TESK2: variants seen among roughly 807,000 people sequenced by gnomAD.
TESK2 encodes the protein testis associated actin remodelling kinase 2, also known as dual specificity testis-specific protein kinase 2.
In TESK2, 39 loss-of-function variants were observed where a neutral mutation model predicts 57.1. The observed-to-expected ratio is 0.68, with a 90% CI of 0.53 to 0.89. TESK2 has a LOEUF of 0.89. TESK2 is among the 40% of genes least tolerant of loss of function. The pLI is 0.00. For missense variants in TESK2, 646 were observed against 732.1 expected, an observed-to-expected ratio of 0.88 and a Z score of 1.36; for synonymous variants, 249 against 267.9, an observed-to-expected ratio of 0.93 and a Z score of 0.69.
intron 3 of TESK2, among the ~76,000 whole-genome samples, chr1:45,417,003 G>A (rs1341391536): frequency 6.6e-6 from 1 of 151,504 alleles, no homozygotes; most frequent in Non-Finnish European, 1.5e-5. Context: ...AGCCAGGATG[G>A]TCTCGATCTC....
Position 45,381,301 on chromosome 1 carries a change from C to T in TESK2, c.393+4611G>A, listed in dbSNP as rs191841646. ...TCCAATTCTTCGCCTTCTACTGAATCTGTGCCTTTTGACACATAACTTTGC... is the reference window on the plus strand; with the variant it reads ...TCCAATTCTTCGCCTTCTACTGAATTTGTGCCTTTTGACACATAACTTTGC... On this transcript the variant is annotated intron_variant, in intron 4 of 10. Coordinates refer to ENST00000372086, the MANE Select transcript of TESK2 (RefSeq NM_007170.3). 6.6e-5 allele frequency among the ~76,000 whole-genome samples: 10 copies of T among 152,314 alleles called. No individual in the cohort carries two copies. In the East Asian group the frequency reaches 1.9e-3, roughly 29 times the overall value.
At chr1:45,442,168 TC>T (rs1651472479) in intron 2 of TESK2, among the ~76,000 whole-genome samples, 1 of 152,148 alleles carries the variant, frequency 6.6e-6, no homozygotes, top group Non-Finnish European at 1.5e-5. Flanking sequence ...ACTCCCAACC[TC>T]AGGTGATCCA....
chr1:45,389,113 C>A (rs574947660), intron 3 of TESK2, among the ~76,000 whole-genome samples: 1 of 152,224 alleles, frequency 6.6e-6, no homozygotes, highest in Non-Finnish European at 1.5e-5. Flanking sequence ...AGTCTGGTAG[C>A]TTTCTAAGAG....
chr1:45,353,397 C>G (rs7544178), intron 5 of TESK2, among the ~76,000 whole-genome samples: 1 of 152,054 alleles, frequency 6.6e-6, no homozygotes. Flanking sequence ...CCTTCAGGAA[C>G]AGTGCAGCTG....
At position 45,398,983 on chromosome 1, in the gene TESK2, GAAAAAAAAAAAA is replaced by G. The variant is rs372886401; in HGVS notation, c.345-13035_345-13024del. 2.5e-5 allele frequency: 6 copies of G among 236,678 alleles called. No homozygotes were observed. The East Asian group carries it at 4.9e-4, about 19-fold the overall frequency. 14.7% of individuals were successfully genotyped at this position (236,678 alleles called of 1,614,324 possible). On this transcript the variant is annotated intron_variant, in intron 3 of 10. Coordinates refer to ENST00000372086, the MANE Select transcript of TESK2 (RefSeq NM_007170.3). ...CCCAACCTCCATTGGACTAGGACCT[GAAAAAAAAAAAA>G]AAAAAAAAAAAACAAGCCTTTAAGC...
chr1:45,432,636 A>G (rs1651019566), intron 2 of TESK2, among the ~76,000 whole-genome samples: 1 of 148,332 alleles, frequency 6.7e-6, no homozygotes, highest in Non-Finnish European at 1.5e-5. Flanking sequence ...GCTTGCAGTG[A>G]GCCGAGATCA....
chr1:45,400,564 T>C (rs1455122393), intron 3 of TESK2, among the ~76,000 whole-genome samples: 1 of 152,234 alleles, frequency 6.6e-6, no homozygotes, highest in Non-Finnish European at 1.5e-5. Context: ...TTTTAGACTT[T>C]AACTCTTTGT....
chr1:45,346,915 A>C, intron 8 of TESK2, 64 bp downstream of exon 8: 1 of 1,574,582 alleles, frequency 6.4e-7, no homozygotes, highest in Non-Finnish European at 8.7e-7. Flanking sequence ...TCCCAGGGAC[A>C]GAACAGTTCC....
chr1:45,382,309 G>A (rs884962), intron 4 of TESK2, among the ~76,000 whole-genome samples: 41,147 of 151,930 alleles, frequency 0.27, 5,872 homozygotes, highest in Admixed American at 0.4. Flanking sequence ...TGCAAGTATG[G>A]CTCACTGCAG....
chr1:45,428,816 ATTTTTT>A (rs71052876), intron 2 of TESK2, among the ~76,000 whole-genome samples: 3 of 82,592 alleles, frequency 3.6e-5, no homozygotes, highest in Non-Finnish European at 6.3e-5. Flanking sequence ...TAAATTCCTG[ATTTTTT>A]TTTTTTTTTT....
rs114765855 is a variant in TESK2, at chr1:45,374,820, A to G, written c.393+11092T>C. 2.4e-3 allele frequency among the ~76,000 whole-genome samples: 362 copies of G among 152,296 alleles called. 4 individuals are homozygous for G. The highest frequency in any genetic ancestry group is 8.4e-3 in the African/African-American group (349 of 41,570). On this transcript the variant is annotated intron_variant, in intron 4 of 10. Transcript: ENST00000372086. The stretch of plus-strand genomic sequence containing the variant: ...GATCATCTCCCATTGTGTACCTCCT[A>G]TAGTCTTCCCATCTCCATTAATGGC...
In TESK2 at chr1:45,380,453, T is replaced by C. The variant is rs183843916; in HGVS notation, c.393+5459A>G. On this transcript the variant is annotated intron_variant, in intron 4 of 10. Transcript: ENST00000372086. Reference sequence around the variant, plus strand: ...TAACAATATTAAAAGGAAAAAGCGCTTTGAGATGACATACAATCTATCCAG... The same window carrying C: ...TAACAATATTAAAAGGAAAAAGCGCCTTGAGATGACATACAATCTATCCAG... 2.8e-4 allele frequency among the ~76,000 whole-genome samples: 43 copies of C among 152,298 alleles called. 1 individual carries two copies. In the Middle Eastern group the frequency reaches 0.034, roughly 120 times the overall value.
rs1300682183 is a variant in TESK2 at position 45,403,336 on chromosome 1, C to T, written c.345-17376G>A. On this transcript the variant is annotated intron_variant, in intron 3 of 10. Transcript: ENST00000372086. The stretch of plus-strand genomic sequence containing the variant: ...TCCCAGAAGAACTATGAATCTAAAC[C>T]CGTAAAAAGGCAGTAATATCCTCGG... 2.0e-5 allele frequency among the ~76,000 whole-genome samples: 3 copies of T among 151,872 alleles called. No homozygotes were observed. In the East Asian group the frequency reaches 5.8e-4, roughly 29 times the overall value.
chr1:45,413,282 A>G (rs1308262797), intron 3 of TESK2, among the ~76,000 whole-genome samples: 1 of 152,152 alleles, frequency 6.6e-6, no homozygotes, highest in East Asian at 1.9e-4. Context: ...CAAAATTTAC[A>G]CAAGTACTAC....
At chr1:45,401,279 C>A (rs1649586764) in intron 3 of TESK2, among the ~76,000 whole-genome samples, 1 of 151,864 alleles carries the variant, frequency 6.6e-6, no homozygotes, top group Non-Finnish European at 1.5e-5. Flanking sequence ...TGCCTGTAAT[C>A]CCAGCTACTC....
chr1:45,425,670 T>C (rs1650660912), intron 2 of TESK2, among the ~76,000 whole-genome samples: 1 of 151,610 alleles, frequency 6.6e-6, no homozygotes, highest in African/African-American at 2.4e-5. Context: ...AACAAAAAAG[T>C]TCTCTACAAT....
At chr1:45,435,623 CTT>C (rs548276799) in intron 2 of TESK2, among the ~76,000 whole-genome samples, 1,952 of 69,164 alleles carry the variant, frequency 0.028, 59 homozygotes, top group African/African-American at 0.081. Context: ...GCTCAGTATT[CTT>C]TTTTTTTTTT....
At chr1:45,400,929 C>T (rs1309580749) in intron 3 of TESK2, among the ~76,000 whole-genome samples, 1 of 145,596 alleles carries the variant, frequency 6.9e-6, no homozygotes, top group East Asian at 2.0e-4. Context: ...GGCTGAGGCA[C>T]AAGAATTGCT....
At chr1:45,454,092 CGGAAAACAGTCTGGTG>C (rs1651977998) in intron 2 of TESK2, among the ~76,000 whole-genome samples, 1 of 152,042 alleles carries the variant, frequency 6.6e-6, no homozygotes, top group Non-Finnish European at 1.5e-5. Context: ...ACAACCACTA[CGGAAAACAGTCTGGTG>C]GGTCCTCAAA....
Sources: allele counts gnomAD v4.1 joint callset (sites outside exome capture counted in the v4.1 genomes callset), GRCh38; gene constraint gnomAD v4.1.1; transcripts MANE v1.5; gene names NCBI Gene and HGNC (gene_info 2026-07-23, HGNC 2026-07-21).